The following DIAPH3 variants were observed in gnomAD, a reference collection of about 807,000 sequenced individuals.
DIAPH3 encodes the protein diaphanous related formin 3, also known as protein diaphanous homolog 3.
Under a neutral mutation model 144.3 loss-of-function variants are expected in DIAPH3, and 117 were observed. The ratio of observed to expected loss-of-function variants is 0.81; its 90% CI spans 0.70 to 0.95. The LOEUF (loss-of-function observed/expected upper bound fraction) is 0.95. Ranked by LOEUF, DIAPH3 falls within the 40% of genes least tolerant of loss-of-function variation. DIAPH3 has a pLI of 0.00. For missense variants in DIAPH3, 1,421 were observed against 1,412.7 expected, an observed-to-expected ratio of 1.01 and a Z score of -0.09; for synonymous variants, 519 against 488.9, an observed-to-expected ratio of 1.06 and a Z score of -0.81.
chr13:59,708,231 TA>T (rs199742290), intron 27 of DIAPH3, among the ~76,000 whole-genome samples: 1 of 146,992 alleles, frequency 6.8e-6, no homozygotes. Context: ...CCAGGCTAAT[TA>T]AAAAAAAAAC....
chr13:59,802,447 AT>A (rs1157256092), intron 25 of DIAPH3, among the ~76,000 whole-genome samples: 6 of 150,554 alleles, frequency 4.0e-5, no homozygotes, highest in African/African-American at 1.5e-4. Context: ...ATCAATTATT[AT>A]TTATTTATCA....
intron 27 of DIAPH3, 158 bp downstream of exon 27, chr13:59,774,031 A>G: frequency 4.4e-6 from 3 of 683,226 alleles, no homozygotes; most frequent in Non-Finnish European, 5.0e-6. Context: ...GATGAAAAAT[A>G]CGAGTACGCA....
At chr13:60,091,310 C>G (rs536311390) in intron 4 of DIAPH3, among the ~76,000 whole-genome samples, 1 of 152,112 alleles carries the variant, frequency 6.6e-6, no homozygotes, top group Admixed American at 6.5e-5. Flanking sequence ...GATAGACTAT[C>G]GTCACACACC....
chr13:60,010,387 T>C, intron 8 of DIAPH3, 146 bp downstream of exon 8: 2 of 797,350 alleles, frequency 2.5e-6, no homozygotes, highest in Non-Finnish European at 3.7e-6. Context: ...TTCCAGCCAA[T>C]AAGAAACTAT....
intron 5 of DIAPH3, among the ~76,000 whole-genome samples, chr13:60,016,389 C>T (rs570900063): frequency 1.5e-3 from 225 of 152,274 alleles, no homozygotes; most frequent in African/African-American, 4.1e-3. Flanking sequence ...CCATCTCTTC[C>T]ATGGTTCATG....
intron 13 of DIAPH3, among the ~76,000 whole-genome samples, chr13:59,983,205 TA>T (rs5803980): frequency 0.59 from 73,935 of 124,950 alleles, 21,766 homozygotes; most frequent in Admixed American, 0.64. Flanking sequence ...ATTCCAAGTT[TA>T]AAAAAAAAAA....
chr13:59,794,976 T>C (rs981579407), intron 25 of DIAPH3, among the ~76,000 whole-genome samples: 9 of 152,240 alleles, frequency 5.9e-5, no homozygotes, highest in Non-Finnish European at 8.8e-5. Context: ...CAAGACATAG[T>C]ACATGCTTTG....
intron 13 of DIAPH3, among the ~76,000 whole-genome samples, chr13:59,982,315 C>CTG (rs2051069755): frequency 2.0e-5 from 3 of 151,308 alleles, no homozygotes; most frequent in Non-Finnish European, 3.0e-5. Flanking sequence ...CCTAAATGAC[C>CTG]CAGTGGAATA....
rs568345079 is a variant in DIAPH3 at position 59,833,269 on chromosome 13, T to G, written c.2865A>C (p.Arg955Ser). Reference sequence around the variant, plus strand: ...ATTGTTCTTTTGCACTGATAACAAATCTGTATACTATAGTTAAGGTATTCT... The same window carrying G: ...ATTGTTCTTTTGCACTGATAACAAAGCTGTATACTATAGTTAAGGTATTCT... ...LHDKFVTKMSRFVISAKEQYE... is the reference protein window; with the variant it reads ...LHDKFVTKMSSFVISAKEQYE... Residue 955 changes from arginine (R) to serine (S), a missense_variant and splice_region_variant, in exon 24 of 28, where the codon AGA becomes AGC. Arg to Ser is a moderately radical substitution (Grantham distance 110, BLOSUM62 -1). Transcript: ENST00000400324. 6.2e-7 allele frequency: 1 copy of G among 1,605,768 alleles called. No homozygotes were observed.
At chr13:60,142,226 A>C (rs1390123242) in intron 1 of DIAPH3, among the ~76,000 whole-genome samples, 1 of 152,210 alleles carries the variant, frequency 6.6e-6, no homozygotes, top group Non-Finnish European at 1.5e-5. Flanking sequence ...TCAGCATATT[A>C]TACAAATTAC....
chr13:59,944,798 G>A (rs921399440), intron 17 of DIAPH3, among the ~76,000 whole-genome samples: 6 of 150,286 alleles, frequency 4.0e-5, no homozygotes, highest in South Asian at 4.4e-4. Flanking sequence ...AAAAAAAGGG[G>A]GGGGGCTATT....
At chr13:59,801,154 T>C (rs2039881504) in intron 25 of DIAPH3, among the ~76,000 whole-genome samples, 1 of 152,240 alleles carries the variant, frequency 6.6e-6, no homozygotes, top group African/African-American at 2.4e-5. Flanking sequence ...TCATTACTTC[T>C]GAAATATATC....
rs1186669949 is a variant in DIAPH3, at chr13:60,132,932, A to C, written c.213+25T>G. ...ATATGGTTAGTTACAATTCATAACA[A>C]AGGAAAAGTTGAGGATAATCTTACC... On this transcript the variant is annotated intron_variant, in intron 2 of 27. Transcript: ENST00000400324. 3 of 1,596,460 alleles carry C rather than the reference A, an allele frequency of 1.9e-6. No homozygotes were observed. In the South Asian group the frequency reaches 3.3e-5, roughly 18 times the overall value.
At chr13:59,741,361 A>T (rs917519940) in intron 27 of DIAPH3, among the ~76,000 whole-genome samples, 1 of 152,202 alleles carries the variant, frequency 6.6e-6, no homozygotes, top group Non-Finnish European at 1.5e-5. Context: ...ATTGTACTAC[A>T]TAGGTGAGTT....
At chr13:59,900,365 A>T (rs1043361820) in intron 20 of DIAPH3, among the ~76,000 whole-genome samples, 2 of 152,148 alleles carry the variant, frequency 1.3e-5, no homozygotes, top group Non-Finnish European at 2.9e-5. Flanking sequence ...GCACAGACAC[A>T]CGTTGTCATG....
At chr13:59,716,844 G>A (rs973314805) in intron 27 of DIAPH3, among the ~76,000 whole-genome samples, 1 of 152,034 alleles carries the variant, frequency 6.6e-6, no homozygotes, top group Non-Finnish European at 1.5e-5. Context: ...TGCTTTAAAT[G>A]AGATTATCTA....
intron 27 of DIAPH3, among the ~76,000 whole-genome samples, chr13:59,677,075 T>C (rs937478636): frequency 1.3e-5 from 2 of 152,146 alleles, no homozygotes; most frequent in Admixed American, 6.5e-5. Context: ...CTTGTTTTAT[T>C]CACTGGTGTA....
chr13:59,759,841 G>A (rs1033504964), intron 27 of DIAPH3, among the ~76,000 whole-genome samples: 3 of 151,844 alleles, frequency 2.0e-5, no homozygotes, highest in Non-Finnish European at 2.9e-5. Context: ...AACTACTGGG[G>A]AGGCTGAGGC....
At chr13:59,925,638 T>C (rs2047716735) in intron 17 of DIAPH3, among the ~76,000 whole-genome samples, 1 of 152,154 alleles carries the variant, frequency 6.6e-6, no homozygotes, top group Non-Finnish European at 1.5e-5. Flanking sequence ...GTGTTAGTTC[T>C]TCCTTAAAAC....
Sources: gnomAD v4.1 joint callset for allele counts (sites outside exome capture counted in the v4.1 genomes callset) on GRCh38, gnomAD v4.1.1 for gene constraint, MANE v1.5 for transcripts, NCBI Gene and HGNC (gene_info 2026-07-23, HGNC 2026-07-21) for gene names.